RUNDC3B: variants seen among roughly 807,000 people sequenced by gnomAD.
RUNDC3B encodes the protein RUN domain containing 3B, also known as RUN domain-containing protein 3B.
RUNDC3B carries 33 observed loss-of-function variants against 58.4 expected under a neutral mutation model. The ratio of observed to expected loss-of-function variants is 0.56; its 90% CI spans 0.43 to 0.75. The LOEUF is 0.75. Ranked by LOEUF, RUNDC3B falls within the 30% of genes least tolerant of loss-of-function variation. The pLI, the probability that RUNDC3B is intolerant of heterozygous loss-of-function variation, is 0.00. For missense variants in RUNDC3B, 501 were observed against 535.7 expected, an observed-to-expected ratio of 0.94 and a Z score of 0.64; for synonymous variants, 193 against 195.2, an observed-to-expected ratio of 0.99 and a Z score of 0.10.
chr7:87,767,652 A>C (rs1053212951), intron 6 of RUNDC3B, among the ~76,000 whole-genome samples: 2 of 152,120 alleles, frequency 1.3e-5, no homozygotes, highest in Admixed American at 6.6e-5. Flanking sequence ...CCAGTTCAGT[A>C]AGTTGCACTT....
chr7:87,651,862 T>C (rs1823605571), intron 2 of RUNDC3B, among the ~76,000 whole-genome samples: 1 of 152,144 alleles, frequency 6.6e-6, no homozygotes, highest in Non-Finnish European at 1.5e-5. Context: ...TATGAATTCA[T>C]TTATCCCTCT....
intron 4 of RUNDC3B, among the ~76,000 whole-genome samples, chr7:87,738,205 CAT>C (rs1832102327): frequency 6.6e-6 from 1 of 151,326 alleles, no homozygotes; most frequent in East Asian, 2.0e-4. Flanking sequence ...CCATTAGAAG[CAT>C]AGTTCTTCCA....
chr7:87,736,321 A>C (rs896329754), intron 4 of RUNDC3B, among the ~76,000 whole-genome samples: 11 of 152,162 alleles, frequency 7.2e-5, no homozygotes, highest in Admixed American at 6.5e-4. Flanking sequence ...CATAATTTAT[A>C]TTTATTATTC....
intron 8 of RUNDC3B, 63 bp from the exon 9 acceptor site, chr7:87,807,310 T>A (rs1836487163): frequency 3.2e-6 from 5 of 1,546,222 alleles, no homozygotes; most frequent in Non-Finnish European, 4.4e-6. Context: ...ATTGATACCA[T>A]TAGGTTCCTC....
chr7:87,767,729 G>A (rs561470798), intron 6 of RUNDC3B, among the ~76,000 whole-genome samples: 1 of 152,238 alleles, frequency 6.6e-6, no homozygotes, highest in South Asian at 2.1e-4. Flanking sequence ...CCAACATATG[G>A]CGGGGGTAGT....
intron 8 of RUNDC3B, among the ~76,000 whole-genome samples, chr7:87,788,983 C>T (rs191433944): frequency 2.2e-4 from 33 of 152,166 alleles, no homozygotes; most frequent in Admixed American, 1.9e-3. Context: ...TTCAAAATCT[C>T]CTGAAGTAGT....
chr7:87,693,825 T>C, intron 2 of RUNDC3B: 1 of 1,292,956 alleles, frequency 7.7e-7, no homozygotes, highest in South Asian at 1.3e-5. Context: ...CCATCTTAGT[T>C]GGGCTATTCA....
chr7:87,812,365 T>G (rs1836768455), intron 9 of RUNDC3B, among the ~76,000 whole-genome samples: 1 of 152,144 alleles, frequency 6.6e-6, no homozygotes, highest in African/African-American at 2.4e-5. Flanking sequence ...TCCTAGCACT[T>G]TGGGAGGCCA....
chr7:87,663,721 A>T (rs902151940), intron 2 of RUNDC3B, among the ~76,000 whole-genome samples: 1 of 152,194 alleles, frequency 6.6e-6, no homozygotes, highest in African/African-American at 2.4e-5. Flanking sequence ...CTATAACAAA[A>T]TACTACATAC....
intron 8 of RUNDC3B, among the ~76,000 whole-genome samples, chr7:87,806,839 A>C (rs994635880): frequency 6.6e-6 from 1 of 152,154 alleles, no homozygotes; most frequent in Non-Finnish European, 1.5e-5. Flanking sequence ...AGCCAGCAAC[A>C]GTGTGTTAAA....
chr7:87,660,650 C>G (rs148608016), intron 2 of RUNDC3B, among the ~76,000 whole-genome samples: 1,559 of 151,580 alleles, frequency 0.01, 28 homozygotes, highest in African/African-American at 0.036. Flanking sequence ...TTATTGTTTC[C>G]TCTGTTATAT....
intron 9 of RUNDC3B, among the ~76,000 whole-genome samples, chr7:87,814,542 A>G (rs182075973): frequency 4.9e-4 from 74 of 152,354 alleles, no homozygotes; most frequent in Middle Eastern, 6.8e-3. Context: ...TTATTCTGCC[A>G]TAAAGTGCAG....
intron 2 of RUNDC3B, among the ~76,000 whole-genome samples, chr7:87,676,735 A>G (rs1204941296): frequency 1.3e-5 from 2 of 150,870 alleles, no homozygotes; most frequent in Admixed American, 6.6e-5. Context: ...AAAAAGATAA[A>G]TGCCTTTACC....
intron 2 of RUNDC3B, among the ~76,000 whole-genome samples, chr7:87,655,906 G>T (rs1194542633): frequency 6.6e-6 from 1 of 151,974 alleles, no homozygotes; most frequent in East Asian, 1.9e-4. Context: ...GAGGGAGTTT[G>T]TCCTTTTTTG....
chr7:87,730,350 G>A (rs1226359161), intron 4 of RUNDC3B, among the ~76,000 whole-genome samples: 12 of 152,204 alleles, frequency 7.9e-5, no homozygotes, highest in Admixed American at 2.6e-4. Flanking sequence ...AGGAGAGCCT[G>A]CTGACCTGAA....
At chr7:87,765,764 T>C (rs2130861343) in intron 6 of RUNDC3B, among the ~76,000 whole-genome samples, 1 of 152,228 alleles carries the variant, frequency 6.6e-6, no homozygotes, top group East Asian at 1.9e-4. Flanking sequence ...AAATATATAT[T>C]CTGTGGTTAT....
chr7:87,729,746 CA>C (rs1396448895), intron 4 of RUNDC3B, among the ~76,000 whole-genome samples: 1 of 152,202 alleles, frequency 6.6e-6, no homozygotes, highest in East Asian at 1.9e-4. Flanking sequence ...CCAGCTAGTG[CA>C]GCCAAGAGAG....
Position 87,755,148 on chromosome 7 carries a change from G to A in RUNDC3B, c.629+13569G>A, listed in dbSNP as rs920398304. On this transcript the variant is annotated intron_variant, in intron 6 of 10. Transcript: ENST00000394654. ...AGTGATTCTCCTGCCTCAGCCTCCCGAGTAGCTGGGACTACAAGTGCACAC... is the reference window on the plus strand; with the variant it reads ...AGTGATTCTCCTGCCTCAGCCTCCCAAGTAGCTGGGACTACAAGTGCACAC... Among the ~76,000 whole-genome samples, 21 of 151,394 alleles carry A rather than the reference G, an allele frequency of 1.4e-4. 2 individuals are homozygous for A. In the South Asian group the frequency reaches 3.1e-3, roughly 23 times the overall value.
At position 87,659,429 on chromosome 7, in the gene RUNDC3B, G is replaced by T. The variant is rs115247416; in HGVS notation, c.238+8492G>T. Among the ~76,000 whole-genome samples the T allele has an allele frequency of 5.1e-3, 775 of 151,962 alleles. 4 individuals carry two copies. Among genetic ancestry groups the T allele is most frequent in the African/African-American group, 0.017 (710 of 41,452 alleles). On this transcript the variant is annotated intron_variant, in intron 2 of 10. Transcript: ENST00000394654. ...AGTATTATATTATACCAGTCTACTGGTATCATTTTCCAGTGTGAAGTTTAA... is the reference window on the plus strand; with the variant it reads ...AGTATTATATTATACCAGTCTACTGTTATCATTTTCCAGTGTGAAGTTTAA...
Sources: gnomAD v4.1 joint callset for allele counts (sites outside exome capture counted in the v4.1 genomes callset) on GRCh38, gnomAD v4.1.1 for gene constraint, MANE v1.5 for transcripts, NCBI Gene and HGNC (gene_info 2026-07-23, HGNC 2026-07-21) for gene names.